The following WIPF1 variants were observed in gnomAD, a reference collection of about 807,000 sequenced individuals.
The protein encoded by WIPF1 is WAS/WASL-interacting protein family member 1.
A neutral mutation model predicts 35.4 loss-of-function variants in WIPF1; 13 were observed. The ratio of observed to expected loss-of-function variants is 0.37; its 90% CI spans 0.24 to 0.58. The LOEUF is 0.58. WIPF1 is among the 20% of genes least tolerant of loss of function. WIPF1 has a pLI of 0.74. For synonymous variants in WIPF1, 267 were observed against 266.3 expected, an observed-to-expected ratio of 1.00 and a Z score of -0.02; for missense variants, 591 against 667.0, an observed-to-expected ratio of 0.89 and a Z score of 1.25.
chr2:174,620,123 A>ATTTT (rs1302347207), intron 1 of WIPF1, among the ~76,000 whole-genome samples: 1 of 152,244 alleles, frequency 6.6e-6, no homozygotes, highest in Non-Finnish European at 1.5e-5. Flanking sequence ...TAAGAGCAAA[A>ATTTT]GCCTATAACC....
chr2:174,572,178 G>T lies in WIPF1; in HGVS notation c.627C>A (p.Gly209=), dbSNP rs562239333. 2.5e-6 allele frequency: 4 copies of T among 1,614,084 alleles called. No homozygotes were observed. The highest frequency in any genetic ancestry group is 1.3e-5 in the African/African-American group (1 of 75,058). ...TGGGCCCGGGGCTGGGCTGCCTGGG[G>T]CCTCCGGGCACTGGTGGGGACCCCC... The part of the protein sequence containing the change: ...HNRGSPPVPG[G]PRQPSPGPTP... The change falls in exon 5 of 8, where the codon GGC becomes GGA. Residue 209 remains glycine (G), a synonymous_variant. Coordinates refer to ENST00000679041, the MANE Select transcript of WIPF1 (RefSeq NM_001375834.1).
rs1460474513 is a variant in WIPF1, at chr2:174,560,078, A to AT, written c.*2468dup. The AT allele has an allele frequency of 2.0e-5, 3 of 152,656 alleles. No homozygotes were observed. Among genetic ancestry groups the AT allele is most frequent in the Non-Finnish European group, 4.4e-5 (3 of 68,030 alleles). The allele number at this position is 152,656 out of a possible 1,614,324, so 9.5% of individuals were successfully genotyped here. A position where few individuals can be genotyped will look rare whatever the true frequency, so the allele number is the denominator to read the frequency against. On this transcript the variant is annotated 3_prime_UTR_variant, in exon 8 of 8. Coordinates refer to ENST00000679041, the MANE Select transcript of WIPF1 (RefSeq NM_001375834.1). ...AAATACTGTATTACATGTTGAATAC[A>AT]TTTATCTGAAAATGTTATAAAAAAA...
chr2:174,566,984 C>G (rs1215594352), intron 7 of WIPF1, 86 bp downstream of exon 7: 12 of 1,355,818 alleles, frequency 8.9e-6, no homozygotes, highest in Non-Finnish European at 1.2e-5. Context: ...CCACTCCAGG[C>G]AAGAAGCCTG....
chr2:174,596,449 C>T (rs1685825595), intron 1 of WIPF1, among the ~76,000 whole-genome samples: 1 of 152,176 alleles, frequency 6.6e-6, no homozygotes, highest in Admixed American at 6.5e-5. Flanking sequence ...TTCCCAGTTT[C>T]TCATCTTCCT....
intron 1 of WIPF1, among the ~76,000 whole-genome samples, chr2:174,668,451 C>T (rs1687939660): frequency 6.6e-6 from 1 of 152,178 alleles, no homozygotes; most frequent in South Asian, 2.1e-4. Flanking sequence ...TATATTCCTT[C>T]TCTACCAGCT....
At chr2:174,659,718 T>C (rs993701755) in intron 1 of WIPF1, among the ~76,000 whole-genome samples, 3 of 152,246 alleles carry the variant, frequency 2.0e-5, no homozygotes, top group African/African-American at 7.2e-5. Flanking sequence ...CAGTCGTTCA[T>C]TGAGCACCTT....
In WIPF1 at chr2:174,572,216, T is replaced by C. The variant is rs1372180396; in HGVS notation, c.589A>G (p.Ser197Gly). ...VPSTPRPIQSSPHNRGSPPVP... is the reference protein window; with the variant it reads ...VPSTPRPIQSGPHNRGSPPVP... ...GGTGGGGACCCCCGGTTGTGCGGAC[T>C]TGATTGAATGGGTCTTGGAGTACTA... The change falls in exon 5 of 8, where the codon AGT (serine) becomes GGT (glycine). Residue 197 changes from serine (S) to glycine (G), a missense_variant. By Grantham distance (56) the Ser-to-Gly change is moderately conservative. Transcript: ENST00000679041. 6.2e-7 allele frequency: 1 copy of C among 1,614,124 alleles called. No individual in the cohort carries two copies. The highest frequency in any genetic ancestry group is 1.1e-5 in the South Asian group (1 of 91,082).
intron 4 of WIPF1, chr2:174,574,807 C>T (rs1230227414): frequency 1.2e-5 from 8 of 691,320 alleles, no homozygotes; most frequent in African/African-American, 1.1e-4. Context: ...GTTTGAAAAG[C>T]GGCTCACAAG....
At chr2:174,605,505 A>AT (rs1473802675) in intron 1 of WIPF1, among the ~76,000 whole-genome samples, 1 of 152,196 alleles carries the variant, frequency 6.6e-6, no homozygotes, top group Non-Finnish European at 1.5e-5. Context: ...AAACTAAAAA[A>AT]CAAAAATGAG....
At chr2:174,602,987 C>G (rs1335887182) in intron 1 of WIPF1, among the ~76,000 whole-genome samples, 3 of 152,220 alleles carry the variant, frequency 2.0e-5, no homozygotes, top group East Asian at 3.8e-4. Flanking sequence ...GCCTTGCATT[C>G]ATTTGGCCCT....
At position 174,562,392 on chromosome 2, in the gene WIPF1, G is replaced by C; in HGVS notation, c.*155C>G. 6.7e-7 allele frequency: 1 copy of C among 1,497,436 alleles called. No individual in the cohort carries two copies. The highest frequency in any genetic ancestry group is 2.3e-5 in the Admixed American group (1 of 42,954). The allele number at this position is 1,497,436 out of a possible 1,614,324, so 92.8% of individuals were successfully genotyped here. On this transcript the variant is annotated 3_prime_UTR_variant, in exon 8 of 8. Transcript: ENST00000679041. ...TGAAAAGCTAGGTGCATTTCTTACC[G>C]ATTCCCACCCACACACGCATATTCC...
intron 1 of WIPF1, 42 bp from the exon 2 acceptor site, chr2:174,585,653 A>G: frequency 7.2e-7 from 1 of 1,380,272 alleles, no homozygotes; most frequent in Non-Finnish European, 1.0e-6. Flanking sequence ...ATGTAATCTT[A>G]GTAATACTGT....
chr2:174,600,202 C>T (rs1182907605), upstream of WIPF1, among the ~76,000 whole-genome samples: 4 of 152,140 alleles, frequency 2.6e-5, no homozygotes, highest in Admixed American at 2.6e-4. Flanking sequence ...GAAAAGCTCA[C>T]TTAGAAGGGA....
chr2:174,574,409 C>T (rs1371810266), intron 4 of WIPF1, among the ~76,000 whole-genome samples: 1 of 152,300 alleles, frequency 6.6e-6, no homozygotes, highest in South Asian at 2.1e-4. Flanking sequence ...AGTAGGCTAA[C>T]CCTGAGGATT....
At chr2:174,575,564 C>T in intron 3 of WIPF1, 184 bp from the exon 4 acceptor site, 3 of 1,057,960 alleles carry the variant, frequency 2.8e-6, no homozygotes, top group Non-Finnish European at 3.9e-6. Flanking sequence ...TCCAGGCAGT[C>T]CCAAGCCCAG....
chr2:174,578,371 A>C (rs546920225), intron 3 of WIPF1, among the ~76,000 whole-genome samples: 1 of 152,310 alleles, frequency 6.6e-6, no homozygotes, highest in East Asian at 1.9e-4. Context: ...TTGGGGAATG[A>C]CTTATACAGC....
chr2:174,564,190 C>G (rs1253258458), intron 7 of WIPF1, among the ~76,000 whole-genome samples: 1 of 152,152 alleles, frequency 6.6e-6, no homozygotes, highest in South Asian at 2.1e-4. Context: ...AAACTTGGTA[C>G]TCGACGGTGC....
chr2:174,642,599 G>A lies in WIPF1; in HGVS notation c.-39+40175C>T, dbSNP rs189183656. Among the ~76,000 whole-genome samples, 45 of 151,230 alleles carry A rather than the reference G, an allele frequency of 3.0e-4. 1 individual carries two copies. In the East Asian group the frequency reaches 7.2e-3, roughly 24 times the overall value. On this transcript the variant is annotated intron_variant, in intron 1 of 8. Transcript: ENST00000272746. Reference sequence around the variant, plus strand: ...CTTGAGCTCGTGATCCACCTGCCTCGGCCTCCCAAAGTGCTGGGATTACAG... The same window carrying A: ...CTTGAGCTCGTGATCCACCTGCCTCAGCCTCCCAAAGTGCTGGGATTACAG...
At chr2:174,635,425 T>C (rs889625512) in intron 1 of WIPF1, among the ~76,000 whole-genome samples, 11 of 151,848 alleles carry the variant, frequency 7.2e-5, no homozygotes, top group Non-Finnish European at 1.0e-4. Flanking sequence ...CTCTCTGCCC[T>C]GTACAGCTAG....
Sources: allele counts gnomAD v4.1 joint callset (sites outside exome capture counted in the v4.1 genomes callset), GRCh38; gene constraint gnomAD v4.1.1; transcripts MANE v1.5; gene names NCBI Gene and HGNC (gene_info 2026-07-23, HGNC 2026-07-21).